GPCPD1: variants seen among roughly 807,000 people sequenced by gnomAD.
GPCPD1 encodes glycerophosphocholine phosphodiesterase 1.
A neutral mutation model predicts 89.2 loss-of-function variants in GPCPD1; 29 were observed. The ratio of observed to expected loss-of-function variants is 0.33; its 90% CI spans 0.24 to 0.44. The LOEUF is 0.44. GPCPD1 is among the 20% of genes least tolerant of loss of function. The pLI is 1.00. For synonymous variants in GPCPD1, 258 were observed against 266.3 expected, an observed-to-expected ratio of 0.97 and a Z score of 0.30; for missense variants, 594 against 808.9, an observed-to-expected ratio of 0.73 and a Z score of 3.22.
chr20:5,577,381 G>C (rs1241767788), intron 8 of GPCPD1, among the ~76,000 whole-genome samples: 1 of 151,154 alleles, frequency 6.6e-6, no homozygotes, highest in African/African-American at 2.4e-5. Context: ...CCAGCTACTT[G>C]AGAGGCTGAG....
intron 2 of GPCPD1, among the ~76,000 whole-genome samples, chr20:5,601,893 T>C (rs1011938048): frequency 6.8e-6 from 1 of 148,040 alleles, no homozygotes; most frequent in African/African-American, 2.4e-5. Context: ...GGAATATGGC[T>C]GCTGAAAATG....
rs1600810651 is a variant in GPCPD1, at chr20:5,604,445, G to A, written c.-28-5C>T. 7.3e-7 allele frequency: 1 copy of A among 1,370,614 alleles called. No individual in the cohort carries two copies. Among genetic ancestry groups the A allele is most frequent in the Non-Finnish European group, 1.0e-6 (1 of 976,328 alleles). The allele number at this position is 1,370,614 out of a possible 1,614,324, so 84.9% of individuals were successfully genotyped here. A position where few individuals can be genotyped will look rare whatever the true frequency, so the allele number is the denominator to read the frequency against. ...GATTTATTTTATGATGTCGTGCTAG[G>A]AAAAAAAAGAAAAGTAACTTATAGT... On this transcript the variant is annotated splice_polypyrimidine_tract_variant and splice_region_variant and intron_variant, in intron 1 of 19. Transcript: ENST00000379019.
intron 15 of GPCPD1, among the ~76,000 whole-genome samples, chr20:5,563,111 T>C (rs1431765326): frequency 6.6e-6 from 1 of 151,784 alleles, no homozygotes; most frequent in Admixed American, 6.6e-5. Context: ...GCCTCCCGAG[T>C]AGCTGGGACT....
chr20:5,582,580 C>T (rs1274231605), intron 6 of GPCPD1, among the ~76,000 whole-genome samples: 1 of 152,174 alleles, frequency 6.6e-6, no homozygotes, highest in East Asian at 1.9e-4. Context: ...TTGACTCCTA[C>T]AGTACAGCAT....
At position 5,593,395 on chromosome 20, in the gene GPCPD1, T is replaced by C; in HGVS notation, c.163A>G (p.Thr55Ala). 6.3e-7 allele frequency: 1 copy of C among 1,586,846 alleles called. No individual in the cohort carries two copies. The highest frequency in any genetic ancestry group is 2.2e-5 in the East Asian group (1 of 44,668). The change falls in exon 4 of 20, where the codon ACC becomes GCC. Residue 55 changes from threonine to alanine, a missense_variant. Thr to Ala is a moderately conservative substitution (Grantham distance 58). Coordinates refer to ENST00000379019, the MANE Select transcript of GPCPD1 (RefSeq NM_019593.5). ...GATACTCCTCTACTGAGTACAATGG[T>C]TGCTTTCCATAGCATGCTGTGAAGA... ...DTGESMLWKA[T>A]IVLSRGVSVQ...
intron 15 of GPCPD1, 81 bp from the exon 16 acceptor site, chr20:5,561,611 C>G (rs1467387549): frequency 3.1e-6 from 2 of 642,542 alleles, no homozygotes; most frequent in Non-Finnish European, 5.5e-6. Flanking sequence ...ACAATTATTA[C>G]TAAAAATAAT....
chr20:5,610,994 C>T lies in GPCPD1; in HGVS notation c.-181G>A, dbSNP rs1361335062. Reference sequence around the variant, plus strand: ...CGTCGAGCGGCAGGAAGCAGCCACGCTCAAACCGGTTTCAGCTGCTCCAGA... The same window carrying T: ...CGTCGAGCGGCAGGAAGCAGCCACGTTCAAACCGGTTTCAGCTGCTCCAGA... On this transcript the variant is annotated 5_prime_UTR_variant, in exon 1 of 20. Transcript: ENST00000379019. 2 of 152,034 alleles carry T rather than the reference C, an allele frequency of 1.3e-5. No individual in the cohort carries two copies. Among genetic ancestry groups the T allele is most frequent in the Admixed American group, 1.3e-4 (2 of 15,252 alleles). 9.4% of individuals were successfully genotyped at this position (152,034 alleles called of 1,614,324 possible).
At chr20:5,607,974 C>G (rs746907755) in intron 1 of GPCPD1, among the ~76,000 whole-genome samples, 7 of 152,164 alleles carry the variant, frequency 4.6e-5, no homozygotes, top group Non-Finnish European at 7.3e-5. Context: ...TGCTGCGGTT[C>G]TCAACTAAAG....
At chr20:5,548,573 T>A (rs1985172243) in intron 19 of GPCPD1, among the ~76,000 whole-genome samples, 2 of 152,216 alleles carry the variant, frequency 1.3e-5, no homozygotes. Context: ...GACCTCTGGG[T>A]CAAGGTATCA....
At chr20:5,586,302 T>G (rs1978917044) in intron 4 of GPCPD1, 33 bp from the exon 5 acceptor site, 1 of 1,193,328 alleles carries the variant, frequency 8.4e-7, no homozygotes, top group Non-Finnish European at 1.3e-6. Context: ...CTGCAATAAT[T>G]TCTTATATCT....
At chr20:5,605,148 A>G (rs1442486141) in intron 1 of GPCPD1, among the ~76,000 whole-genome samples, 1 of 152,228 alleles carries the variant, frequency 6.6e-6, no homozygotes, top group Non-Finnish European at 1.5e-5. Context: ...ATGTTCAAAA[A>G]GAAAACAAAA....
chr20:5,551,949 C>T (rs556620404), intron 19 of GPCPD1, among the ~76,000 whole-genome samples: 2 of 152,088 alleles, frequency 1.3e-5, no homozygotes, highest in Non-Finnish European at 2.9e-5. Flanking sequence ...CATTCAAAAC[C>T]TTCTATGTGA....
At chr20:5,566,592 C>T (rs1008443813) in intron 14 of GPCPD1, 141 bp downstream of exon 14, 18 of 590,662 alleles carry the variant, frequency 3.0e-5, no homozygotes, top group Admixed American at 2.8e-4. Context: ...AATTCATTTC[C>T]GAACTATAAA....
At chr20:5,596,365 C>T (rs1028659086) in intron 3 of GPCPD1, among the ~76,000 whole-genome samples, 1 of 152,044 alleles carries the variant, frequency 6.6e-6, no homozygotes, top group Admixed American at 6.6e-5. Context: ...GCACTCCAGC[C>T]TGTGTGACAG....
chr20:5,549,256 A>T lies in GPCPD1; in HGVS notation c.1830-1406T>A, dbSNP rs1600705154. 8 of 812,972 alleles carry T rather than the reference A, an allele frequency of 9.8e-6. No individual in the cohort carries two copies. The East Asian group carries it at 1.7e-4, about 17-fold the overall frequency. 50.4% of individuals were successfully genotyped at this position (812,972 alleles called of 1,614,324 possible). A position where few individuals can be genotyped will look rare whatever the true frequency, so the allele number is the denominator to read the frequency against. On this transcript the variant is annotated intron_variant, in intron 19 of 19. Coordinates refer to ENST00000379019, the MANE Select transcript of GPCPD1 (RefSeq NM_019593.5). The stretch of plus-strand genomic sequence containing the variant: ...CTGTGTCTTATTGGAGAATCTTTTG[A>T]TGACTCAGTGATGATATATGTGCAG...
chr20:5,587,019 C>T (rs1473555091), intron 4 of GPCPD1, among the ~76,000 whole-genome samples: 1 of 152,112 alleles, frequency 6.6e-6, no homozygotes, highest in Non-Finnish European at 1.5e-5. Flanking sequence ...AGCTCCCCTA[C>T]TAAAAAAGAA....
Position 5,580,018 on chromosome 20 carries a change from A to AT in GPCPD1, c.462dup (p.Ser155IlefsTer2). 6.5e-7 allele frequency: 1 copy of AT among 1,534,168 alleles called. No homozygotes were observed. Among genetic ancestry groups the AT allele is most frequent in the Non-Finnish European group, 9.0e-7 (1 of 1,111,806 alleles). ...TAAACATGGTCATACCTAAATCTAG[A>AT]TTTTTTTAATTTTTTCTTGGTTATT... is the stretch of plus-strand genomic sequence containing the variant. On this transcript the variant is annotated frameshift_variant, in exon 7 of 20. Transcript: ENST00000379019. LOFTEE classifies it high-confidence loss of function.
intron 12 of GPCPD1, 101 bp downstream of exon 12, chr20:5,570,046 C>T: frequency 1.8e-6 from 1 of 555,580 alleles, no homozygotes; most frequent in Admixed American, 3.4e-5. Context: ...AATGAATTAA[C>T]CAATTCTATT....
chr20:5,557,293 G>C (rs1411329522), intron 19 of GPCPD1, among the ~76,000 whole-genome samples: 4 of 152,156 alleles, frequency 2.6e-5, no homozygotes, highest in African/African-American at 9.7e-5. Flanking sequence ...GACCGTTAAG[G>C]GTAGAGGCAG....
Sources: gnomAD v4.1 joint callset for allele counts (sites outside exome capture counted in the v4.1 genomes callset) on GRCh38, gnomAD v4.1.1 for gene constraint, MANE v1.5 for transcripts, NCBI Gene and HGNC (gene_info 2026-07-23, HGNC 2026-07-21) for gene names.